The following AHDC1 variants were observed in gnomAD, a reference collection of about 807,000 sequenced individuals.
The protein encoded by AHDC1 is AT-hook DNA binding motif containing 1.
AHDC1 carries 7 observed loss-of-function variants against 87.9 expected under a neutral mutation model. The observed-to-expected ratio is 0.08, with a 90% CI of 0.05 to 0.15. AHDC1 has a LOEUF of 0.15. AHDC1 is among the 10% of genes least tolerant of loss of function. AHDC1 has a pLI of 1.00. For missense variants in AHDC1, 1,841 were observed against 2,253.2 expected (o/e 0.82, Z 3.70); for synonymous variants, 1,051 against 1,006.8 (o/e 1.04, Z -0.83).
rs762492021 is a variant in AHDC1, at chr1:27,548,433, C to G, written c.3683G>C (p.Ser1228Thr). The G allele has an allele frequency of 6.2e-7, 1 of 1,613,142 alleles. No individual in the cohort carries two copies. The highest frequency in any genetic ancestry group is 8.5e-7 in the Non-Finnish European group (1 of 1,179,438). Residue 1228 changes from serine (S) to threonine (T), a missense_variant, in exon 8 of 9, where the codon AGC becomes ACC. Physicochemically the swap from Ser to Thr is moderately conservative, Grantham distance 58 (BLOSUM62 1). Transcript: ENST00000673934. Reference protein sequence around the residue: ...NWNQSVLFQSSSKPGRGRRKK... With the variant: ...NWNQSVLFQSTSKPGRGRRKK... ...CCGCCGTCCACGGCCCGGCTTGGAGCTACTCTGAAAGAGGACACTCTGGTT... is the reference window on the plus strand; with the variant it reads ...CCGCCGTCCACGGCCCGGCTTGGAGGTACTCTGAAAGAGGACACTCTGGTT...
At chr1:27,540,543 C>T (rs749030864) in intron 8 of AHDC1, among the ~76,000 whole-genome samples, 2 of 151,876 alleles carry the variant, frequency 1.3e-5, no homozygotes, top group African/African-American at 4.8e-5. Context: ...AGGGCTGTCA[C>T]GGATGCAGAG....
At chr1:27,537,688 G>A (rs1470486458) in intron 8 of AHDC1, among the ~76,000 whole-genome samples, 3 of 152,152 alleles carry the variant, frequency 2.0e-5, no homozygotes, top group African/African-American at 4.8e-5. Context: ...AGCACGCACC[G>A]GCCCCCAGCA....
chr1:27,535,988 A>G (rs762939132), intron 8 of AHDC1, among the ~76,000 whole-genome samples: 14 of 152,016 alleles, frequency 9.2e-5, no homozygotes, highest in Non-Finnish European at 1.5e-4. Context: ...CTCCTCTCAG[A>G]GCCCCGAGAC....
chr1:27,559,805 C>G (rs898753154), intron 3 of AHDC1, among the ~76,000 whole-genome samples: 1 of 152,200 alleles, frequency 6.6e-6, no homozygotes, highest in Non-Finnish European at 1.5e-5. Context: ...TCTGCCTCCT[C>G]GAGGTCTGTA....
intron 3 of AHDC1, among the ~76,000 whole-genome samples, chr1:27,564,086 C>A (rs1050585140): frequency 3.9e-5 from 6 of 152,170 alleles, no homozygotes; most frequent in Non-Finnish European, 5.9e-5. Context: ...TACAAAGGCC[C>A]CCTCTCCAAA....
At position 27,561,755 on chromosome 1, in the gene AHDC1, T is replaced by C. The variant is rs1035065168; in HGVS notation, c.-628-2872A>G. 6.7e-6 allele frequency among the ~76,000 whole-genome samples: 1 copy of C among 150,088 alleles called. No individual in the cohort carries two copies. Among genetic ancestry groups the C allele is most frequent in the Non-Finnish European group, 1.5e-5 (1 of 67,568 alleles). On this transcript the variant is annotated intron_variant, in intron 3 of 8. Transcript: ENST00000673934. This position sits in a 1 kb window ranked among gnomAD's most constrained non-coding sequence, Gnocchi z 4.2. Reference sequence around the variant, plus strand: ...AGACAGAGAGGAAGAGGGAGAAAGATACACAGGGAGACACAGAGACATGGG... The same window carrying C: ...AGACAGAGAGGAAGAGGGAGAAAGACACACAGGGAGACACAGAGACATGGG...
In AHDC1 at chr1:27,562,287, A is replaced by G. The variant is rs1327554599; in HGVS notation, c.-628-3404T>C. On this transcript the variant is annotated intron_variant, in intron 3 of 8. Coordinates refer to ENST00000673934, the MANE Select transcript of AHDC1 (RefSeq NM_001371928.1). This position sits in a 1 kb window ranked among gnomAD's most constrained non-coding sequence, Gnocchi z 4.4. ...CCTGGGAGAGATAACAGGCCCGAAT[A>G]GTGCTGACTTGCGGTTCAGAAATCC... is the stretch of plus-strand genomic sequence containing the variant. Among the ~76,000 whole-genome samples the G allele has an allele frequency of 1.3e-5, 2 of 152,250 alleles. No individual in the cohort carries two copies. The highest frequency in any genetic ancestry group is 4.8e-5 in the African/African-American group (2 of 41,540).
At chr1:27,537,489 C>T (rs975772700) in intron 8 of AHDC1, among the ~76,000 whole-genome samples, 6 of 152,148 alleles carry the variant, frequency 3.9e-5, no homozygotes, top group South Asian at 2.1e-4. Flanking sequence ...CCAAGACGTA[C>T]GCTGACTGAG....
Position 27,575,918 on chromosome 1 carries a change from G to C in AHDC1, c.-628-17035C>G, listed in dbSNP as rs570356563. On this transcript the variant is annotated intron_variant, in intron 3 of 8. Coordinates refer to ENST00000673934, the MANE Select transcript of AHDC1 (RefSeq NM_001371928.1). ...GAGGGGGGGCGGGGTCACGTGGCGG[G>C]GGGAGGGGAGGGCCGTCGCGATCCG... is the stretch of plus-strand genomic sequence containing the variant. 2.0e-3 allele frequency among the ~76,000 whole-genome samples: 302 copies of C among 152,038 alleles called. 3 individuals are homozygous for C. The highest frequency in any genetic ancestry group is 7.0e-3 in the African/African-American group (291 of 41,540).
chr1:27,555,116 G>A (rs750641949), intron 5 of AHDC1, among the ~76,000 whole-genome samples: 1 of 152,204 alleles, frequency 6.6e-6, no homozygotes, highest in Non-Finnish European at 1.5e-5. Context: ...AGGCTGGGAG[G>A]AACCTTAAAA....
chr1:27,572,501 C>T (rs911285655), intron 3 of AHDC1, among the ~76,000 whole-genome samples: 4 of 152,204 alleles, frequency 2.6e-5, no homozygotes, highest in Non-Finnish European at 4.4e-5. Context: ...CAACACTGTT[C>T]TGGACAGCTA....
chr1:27,572,296 C>T (rs536200619), intron 3 of AHDC1, among the ~76,000 whole-genome samples: 3 of 152,226 alleles, frequency 2.0e-5, no homozygotes, highest in African/African-American at 7.2e-5. Context: ...TGCCTGCTTA[C>T]CTGTGGAGGG....
Position 27,551,665 on chromosome 1 carries a change from G to C in AHDC1, c.451C>G (p.Arg151Gly), listed in dbSNP as rs902436270. 3 of 1,613,554 alleles carry C rather than the reference G, an allele frequency of 1.9e-6. No individual in the cohort carries two copies. Among genetic ancestry groups the C allele is most frequent in the Non-Finnish European group, 2.5e-6 (3 of 1,179,900 alleles). Residue 151 changes from arginine (R) to glycine (G), a missense_variant, in exon 8 of 9, where the codon CGA (arginine) becomes GGA (glycine). Coordinates refer to ENST00000673934, the MANE Select transcript of AHDC1 (RefSeq NM_001371928.1). The part of the protein sequence containing the change: ...SGVHLDCGGL[R>G]LSRPPAPPPG... ...GGCGGTGCAGGCGGGCGGCTCAGTC[G>C]GAGCCCACCACAGTCCAGGTGTACA...
At position 27,558,612 on chromosome 1, in the gene AHDC1, G is replaced by T. The variant is rs2019930814; in HGVS notation, c.-450-82C>A. On this transcript the variant is annotated intron_variant, in intron 4 of 8. Transcript: ENST00000673934. The surrounding 1 kb of genome is among the most constrained non-coding windows in gnomAD (Gnocchi z 5.6). ...AAGCTCTTTTTGACCTAAGCTGGGA[G>T]GGGATCCCTGTTGGGACTGGGAGGC... 7.5e-6 allele frequency: 3 copies of T among 397,664 alleles called. No homozygotes were observed. Among genetic ancestry groups the T allele is most frequent in the Non-Finnish European group, 1.3e-5 (3 of 225,972 alleles). 24.6% of individuals were successfully genotyped at this position (397,664 alleles called of 1,614,324 possible).
intron 8 of AHDC1, among the ~76,000 whole-genome samples, chr1:27,539,140 T>A (rs1337299634): frequency 7.8e-6 from 1 of 127,542 alleles, no homozygotes; most frequent in Non-Finnish European, 1.5e-5. Context: ...TTTCTTTTCT[T>A]TTTTTTTTTT....
intron 3 of AHDC1, among the ~76,000 whole-genome samples, chr1:27,575,636 C>A (rs2088703071): frequency 6.6e-6 from 1 of 151,616 alleles, no homozygotes; most frequent in African/African-American, 2.4e-5. Context: ...CCAAGGCTCC[C>A]CGAAGGAGAG....
intron 5 of AHDC1, among the ~76,000 whole-genome samples, chr1:27,557,308 T>C (rs1334190983): frequency 6.7e-6 from 1 of 149,418 alleles, no homozygotes; most frequent in Admixed American, 6.6e-5. Context: ...CTCCCGTCCT[T>C]GTCTTTCCTT....
chr1:27,586,569 C>T (rs1187709516), intron 3 of AHDC1, among the ~76,000 whole-genome samples: 1 of 152,214 alleles, frequency 6.6e-6, no homozygotes, highest in African/African-American at 2.4e-5. Flanking sequence ...TCTCCTAGCC[C>T]TACCTCACAG....
At chr1:27,553,916 T>C (rs1049517772) in intron 5 of AHDC1, among the ~76,000 whole-genome samples, 37 of 151,974 alleles carry the variant, frequency 2.4e-4, no homozygotes, top group African/African-American at 8.5e-4. Flanking sequence ...AATTTAAAAA[T>C]TAGCTGGGCA....
Sources: gnomAD v4.1 joint callset for allele counts (sites outside exome capture counted in the v4.1 genomes callset) on GRCh38, gnomAD v4.1.1 for gene constraint, Gnocchi (gnomAD v3.1) non-coding constraint, MANE v1.5 for transcripts, NCBI Gene and HGNC (gene_info 2026-07-23, HGNC 2026-07-21) for gene names.